Variants in NEK7 observed in about 807,000 individuals in gnomAD.
NEK7 encodes the protein serine/threonine-protein kinase Nek7.
Under a neutral mutation model 44.6 loss-of-function variants are expected in NEK7, and 18 were observed. The observed-to-expected ratio is 0.40, with a 90% CI of 0.28 to 0.60. The LOEUF (loss-of-function observed/expected upper bound fraction) is 0.60. Ranked by LOEUF, NEK7 falls within the 20% of genes least tolerant of loss-of-function variation. The pLI, the probability that NEK7 is intolerant of heterozygous loss-of-function variation, is 0.38. For missense variants in NEK7, 256 were observed against 366.5 expected (o/e 0.70, Z 2.46); for synonymous variants, 130 against 121.1 (o/e 1.07, Z -0.48).
chr1:198,259,519 C>T (rs1203685371), intron 3 of NEK7, among the ~76,000 whole-genome samples: 1 of 152,098 alleles, frequency 6.6e-6, no homozygotes, highest in Non-Finnish European at 1.5e-5. Context: ...TGATTTATCT[C>T]AAATTCCTTG....
At chr1:198,158,314 G>A (rs1010434130) in intron 1 of NEK7, among the ~76,000 whole-genome samples, 1 of 152,220 alleles carries the variant, frequency 6.6e-6, no homozygotes, top group Non-Finnish European at 1.5e-5. Context: ...TGAGGTTACT[G>A]AGCTCAAGGA....
chr1:198,170,442 T>C (rs534423696), intron 1 of NEK7, among the ~76,000 whole-genome samples: 1 of 152,324 alleles, frequency 6.6e-6, no homozygotes, highest in South Asian at 2.1e-4. Context: ...TTGAAGCTGA[T>C]TTGCTAAGCT....
chr1:198,289,131 TTG>T (rs71133921), intron 7 of NEK7, among the ~76,000 whole-genome samples: 64,593 of 148,438 alleles, frequency 0.44, 14,727 homozygotes, highest in Middle Eastern at 0.57. Context: ...TTCCCTGAAG[TTG>T]TGTGTGTGTG....
chr1:198,301,393 G>A lies in NEK7; in HGVS notation c.798+4153G>A, dbSNP rs368237595. Among the ~76,000 whole-genome samples, 12 of 152,084 alleles carry A rather than the reference G, an allele frequency of 7.9e-5. No homozygotes were observed. In the East Asian group the frequency reaches 1.2e-3, roughly 15 times the overall value. On this transcript the variant is annotated intron_variant, in intron 9 of 9. Coordinates refer to ENST00000367385, the MANE Select transcript of NEK7 (RefSeq NM_133494.3). ...GTGAAACCCCGTCTCTACTAAAAAT[G>A]CAACAAATTAGCCGGGCGTGGTGGC...
intron 1 of NEK7, among the ~76,000 whole-genome samples, chr1:198,209,820 T>A (rs1395170781): frequency 5.3e-5 from 8 of 151,950 alleles, no homozygotes; most frequent in Non-Finnish European, 1.0e-4. Flanking sequence ...ATTTATATTT[T>A]TATTTATTTA....
At chr1:198,263,166 G>T (rs1449276204) in intron 4 of NEK7, among the ~76,000 whole-genome samples, 2 of 151,780 alleles carry the variant, frequency 1.3e-5, no homozygotes, top group Non-Finnish European at 2.9e-5. Flanking sequence ...TTCTTTTATA[G>T]TGAAGTTTCT....
chr1:198,278,909 TA>T, intron 6 of NEK7, 44 bp from the exon 7 acceptor site: 1 of 1,042,878 alleles, frequency 9.6e-7, no homozygotes, highest in Non-Finnish European at 1.5e-6. Flanking sequence ...TTAAAATTTC[TA>T]AAATGTCTAT....
At chr1:198,181,893 G>C (rs1664777938) in intron 1 of NEK7, among the ~76,000 whole-genome samples, 1 of 152,024 alleles carries the variant, frequency 6.6e-6, no homozygotes, top group Non-Finnish European at 1.5e-5. Context: ...TGGTTGAATT[G>C]AAGGAGAAAC....
chr1:198,163,627 A>G (rs190221502), intron 1 of NEK7, among the ~76,000 whole-genome samples: 4 of 152,370 alleles, frequency 2.6e-5, no homozygotes, highest in Admixed American at 2.6e-4. Context: ...TTTGTTAGTC[A>G]ATAAATACAT....
chr1:198,210,776 G>A lies in NEK7; in HGVS notation c.-28-21777G>A, dbSNP rs1442499818. 1.0e-4 allele frequency among the ~76,000 whole-genome samples: 10 copies of A among 99,918 alleles called. No individual in the cohort carries two copies. In the East Asian group the frequency reaches 1.6e-3, roughly 16 times the overall value. 65.6% of individuals were successfully genotyped at this position (99,918 alleles called of 152,430 possible). ...TTTTTTTTTTTTTTTTTTTTGAGAC[G>A]GAGTCTCGCTCTGTCGCCCAGGCTG... is the stretch of plus-strand genomic sequence containing the variant. On this transcript the variant is annotated intron_variant, in intron 1 of 9. Transcript: ENST00000367385.
chr1:198,252,400 G>T (rs1356891083), intron 2 of NEK7, among the ~76,000 whole-genome samples: 2 of 151,332 alleles, frequency 1.3e-5, no homozygotes, highest in Non-Finnish European at 3.0e-5. Context: ...TCTGCTTGGT[G>T]CAGAGCTGAG....
intron 2 of NEK7, among the ~76,000 whole-genome samples, chr1:198,235,117 A>G (rs1393980034): frequency 6.6e-6 from 1 of 152,174 alleles, no homozygotes; most frequent in Non-Finnish European, 1.5e-5. Flanking sequence ...AAGTCTGGGC[A>G]TAAACAGAAA....
At chr1:198,272,546 T>C (rs1653887807) in intron 5 of NEK7, among the ~76,000 whole-genome samples, 1 of 151,776 alleles carries the variant, frequency 6.6e-6, no homozygotes, top group Non-Finnish European at 1.5e-5. Flanking sequence ...AGCAAGAAAA[T>C]TTATTAAAGA....
chr1:198,227,810 C>T (rs1182075291), intron 1 of NEK7, among the ~76,000 whole-genome samples: 3 of 152,120 alleles, frequency 2.0e-5, no homozygotes, highest in Non-Finnish European at 4.4e-5. Context: ...TTCTCCCATT[C>T]TGTAGGCTGC....
chr1:198,249,480 T>C (rs1652834844), intron 2 of NEK7, among the ~76,000 whole-genome samples: 2 of 151,854 alleles, frequency 1.3e-5, no homozygotes, highest in Admixed American at 1.3e-4. Context: ...ACTTCCACAA[T>C]GGTTGAACTA....
chr1:198,208,191 C>A (rs771749257), intron 1 of NEK7, among the ~76,000 whole-genome samples: 2 of 152,106 alleles, frequency 1.3e-5, no homozygotes, highest in Non-Finnish European at 2.9e-5. Context: ...GTCTTACTTG[C>A]TTGAGTGCCT....
chr1:198,264,619 G>GA (rs964425139), intron 5 of NEK7, among the ~76,000 whole-genome samples: 11 of 151,886 alleles, frequency 7.2e-5, no homozygotes, highest in Non-Finnish European at 1.6e-4. Context: ...TCTTGGGGGG[G>GA]AATCCATCAA....
intron 1 of NEK7, among the ~76,000 whole-genome samples, chr1:198,166,548 T>A (rs1664274420): frequency 6.6e-6 from 1 of 152,198 alleles, no homozygotes; most frequent in South Asian, 2.1e-4. Flanking sequence ...AAGGCCATTG[T>A]AGGGTTATTA....
At chr1:198,271,946 G>A (rs1303399185) in intron 5 of NEK7, among the ~76,000 whole-genome samples, 1 of 137,460 alleles carries the variant, frequency 7.3e-6, no homozygotes, top group Non-Finnish European at 1.6e-5. Flanking sequence ...CACACACATA[G>A]ATACATTTAC....
Sources: allele counts gnomAD v4.1 joint callset (sites outside exome capture counted in the v4.1 genomes callset), GRCh38; gene constraint gnomAD v4.1.1; transcripts MANE v1.5; gene names NCBI Gene and HGNC (gene_info 2026-07-23, HGNC 2026-07-21).